PCDHGB4: variants seen among roughly 807,000 people sequenced by gnomAD.
PCDHGB4 encodes protocadherin gamma-B4.
A neutral mutation model predicts 60.5 loss-of-function variants in PCDHGB4; 38 were observed. The ratio of observed to expected loss-of-function variants is 0.63; its 90% confidence interval spans 0.48 to 0.82. PCDHGB4 has a LOEUF of 0.82. PCDHGB4 is among the 40% of genes least tolerant of loss of function. The pLI is 0.00. For synonymous variants in PCDHGB4, 456 were observed against 509.7 expected (o/e 0.89, Z 1.42); for missense variants, 1,109 against 1,209.6 (o/e 0.92, Z 1.23).
In PCDHGB4 at chr5:141,393,272, A is replaced by C. The variant is rs781226042; in HGVS notation, c.2397+2991A>C. The stretch of plus-strand genomic sequence containing the variant: ...TCGCGGTTCCTGGAGCACGTTATCC[A>C]CTCCCAGAAGCTGTTGACCCGGATG... On this transcript the variant is annotated intron_variant, in intron 1 of 3. Coordinates refer to ENST00000519479, the MANE Select transcript of PCDHGB4 (RefSeq NM_003736.4). The C allele has an allele frequency of 2.5e-6, 4 of 1,613,774 alleles. No homozygotes were observed. The Admixed American group carries it at 6.7e-5, about 27-fold the overall frequency.
At chr5:141,469,994 C>T (rs948868787) in intron 1 of PCDHGB4, among the ~76,000 whole-genome samples, 2 of 151,830 alleles carry the variant, frequency 1.3e-5, no homozygotes, top group Non-Finnish European at 1.5e-5. Flanking sequence ...AGCTGGTCGT[C>T]GTGGCACGCC....
At chr5:141,464,944 G>T (rs1379789566) in intron 1 of PCDHGB4, among the ~76,000 whole-genome samples, 1 of 151,826 alleles carries the variant, frequency 6.6e-6, no homozygotes, top group African/African-American at 2.4e-5. Context: ...GTCTCACTAT[G>T]TTGCCCAGGC....
intron 1 of PCDHGB4, among the ~76,000 whole-genome samples, chr5:141,449,041 C>T (rs998143732): frequency 3.3e-5 from 5 of 152,126 alleles, no homozygotes; most frequent in Admixed American, 3.3e-4. Flanking sequence ...GATTATTAAC[C>T]AGTCTCATAA....
At chr5:141,505,983 C>G (rs1235662535) in intron 3 of PCDHGB4, among the ~76,000 whole-genome samples, 1 of 152,148 alleles carries the variant, frequency 6.6e-6, no homozygotes, top group Non-Finnish European at 1.5e-5. Context: ...GAGAGAACAC[C>G]TCCTCTTTAT....
rs372168887 is a variant in PCDHGB4, at chr5:141,477,322, C to T, written c.2398-17485C>T. On this transcript the variant is annotated intron_variant, in intron 1 of 3. Transcript: ENST00000519479. The surrounding 1 kb of genome is among the most constrained non-coding windows in gnomAD (Gnocchi z 4.9). The stretch of plus-strand genomic sequence containing the variant: ...GTCTCCCTTTCAGCCTTACTTCTTC[C>T]CTCAAGAATTACTTCACTTTGAAAA... 17 of 1,614,050 alleles carry T rather than the reference C, an allele frequency of 1.1e-5. No homozygotes were observed. In the African/African-American group the frequency reaches 1.5e-4, roughly 14 times the overall value.
rs1231591874 is a variant in PCDHGB4 at position 141,431,615 on chromosome 5, G to T, written c.2397+41334G>T. The T allele has an allele frequency of 3.1e-6, 5 of 1,614,118 alleles. No homozygotes were observed. Among genetic ancestry groups the T allele is most frequent in the African/African-American group, 2.7e-5 (2 of 74,950 alleles). On this transcript the variant is annotated intron_variant, in intron 1 of 3. Transcript: ENST00000519479. The surrounding 1 kb of genome is among the most constrained non-coding windows in gnomAD (Gnocchi z 4.8). Reference sequence around the variant, plus strand: ...GAGGTATTCCTTCCGGTATGTGGACGACAAGGCGGCCCAAGTTTTCAAACT... The same window carrying T: ...GAGGTATTCCTTCCGGTATGTGGACTACAAGGCGGCCCAAGTTTTCAAACT...
At chr5:141,444,876 G>A (rs921183358) in intron 1 of PCDHGB4, among the ~76,000 whole-genome samples, 1 of 152,186 alleles carries the variant, frequency 6.6e-6, no homozygotes, top group African/African-American at 2.4e-5. Flanking sequence ...GACAAAGCTT[G>A]TAGGATTTTT....
intron 1 of PCDHGB4, chr5:141,398,702 C>G: frequency 6.2e-7 from 1 of 1,613,832 alleles, no homozygotes; most frequent in Non-Finnish European, 8.5e-7. Flanking sequence ...AGTAAATACC[C>G]GGAACTGGCA....
intron 1 of PCDHGB4, chr5:141,398,640 ACT>A (rs2093681875): frequency 1.9e-6 from 3 of 1,613,828 alleles, no homozygotes; most frequent in Non-Finnish European, 2.5e-6. Flanking sequence ...AGAAGTATAA[ACT>A]CTCTCTTAAC....
chr5:141,487,811 A>T lies in PCDHGB4; in HGVS notation c.2398-6996A>T, dbSNP rs1389081995. 2.1e-6 allele frequency: 3 copies of T among 1,414,662 alleles called. No homozygotes were observed. In the African/African-American group the frequency reaches 4.3e-5, roughly 20 times the overall value. 87.6% of individuals were successfully genotyped at this position (1,414,662 alleles called of 1,614,324 possible). A position where few individuals can be genotyped will look rare whatever the true frequency, so the allele number is the denominator to read the frequency against. ...TTAACCAGAGTTGTCACAGTTTAGCATTGGGGGCGGGTCATGCCTATATCT... is the reference window on the plus strand; with the variant it reads ...TTAACCAGAGTTGTCACAGTTTAGCTTTGGGGGCGGGTCATGCCTATATCT... On this transcript the variant is annotated intron_variant, in intron 1 of 3. Transcript: ENST00000519479. The surrounding 1 kb of genome is among the most constrained non-coding windows in gnomAD (Gnocchi z 5.0).
chr5:141,455,109 G>A (rs2098813382), intron 1 of PCDHGB4, among the ~76,000 whole-genome samples: 1 of 151,932 alleles, frequency 6.6e-6, no homozygotes, highest in South Asian at 2.1e-4. Context: ...ACTGCGCCCG[G>A]TGGGTCTAAT....
Position 141,510,866 on chromosome 5 carries a change from C to G in PCDHGB4, c.2546-81C>G. 1.9e-6 allele frequency: 3 copies of G among 1,607,908 alleles called. No homozygotes were observed. The East Asian group carries it at 6.7e-5, about 36-fold the overall frequency. ...AGGCCCAGGGTGCTGTATAGGCATT[C>G]ATTAACTGCTGGGGATATAAGACAG... On this transcript the variant is annotated intron_variant, in intron 3 of 3. Coordinates refer to ENST00000519479, the MANE Select transcript of PCDHGB4 (RefSeq NM_003736.4).
intron 2 of PCDHGB4, among the ~76,000 whole-genome samples, chr5:141,498,889 C>T (rs1415870992): frequency 3.4e-5 from 5 of 146,174 alleles, no homozygotes; most frequent in African/African-American, 1.3e-4. Flanking sequence ...GCTGAGATCA[C>T]ACCACTGCAC....
intron 1 of PCDHGB4, chr5:141,408,147 A>G (rs1357143790): frequency 6.7e-7 from 1 of 1,503,488 alleles, no homozygotes; most frequent in Non-Finnish European, 8.9e-7. Context: ...TTAGCGCGGT[A>G]GAGTGCACTT....
intron 1 of PCDHGB4, chr5:141,399,984 A>C (rs1310810422): frequency 1.2e-6 from 2 of 1,612,296 alleles, no homozygotes; most frequent in Non-Finnish European, 8.5e-7. Context: ...GGCTGCGCAC[A>C]GGAGAGGTGC....
At chr5:141,427,940 C>T (rs1391166364) in intron 1 of PCDHGB4, 1 of 1,585,904 alleles carries the variant, frequency 6.3e-7, no homozygotes. Context: ...TGGTGGGCGA[C>T]CTCAATGACA....
intron 1 of PCDHGB4, among the ~76,000 whole-genome samples, chr5:141,449,549 A>G (rs1431239786): frequency 6.8e-6 from 1 of 147,830 alleles, no homozygotes; most frequent in East Asian, 2.0e-4. Context: ...AGATCGCACC[A>G]CTGCACTCCA....
chr5:141,484,924 T>C (rs1453592037), intron 1 of PCDHGB4: 7 of 484,872 alleles, frequency 1.4e-5, no homozygotes, highest in Non-Finnish European at 2.2e-5. Context: ...ACCCTGCTGC[T>C]GTTGGGACGT....
rs749817501 is a variant in PCDHGB4 at position 141,423,756 on chromosome 5, G to GT, written c.2397+33475_2397+33476insT. ...GCCTGTTATGAAAACTGTTTGGGGGGGGGGTGGGGCGGCATATATTTAGTT... is the reference window on the plus strand; with the variant it reads ...GCCTGTTATGAAAACTGTTTGGGGGGTGGGGTGGGGCGGCATATATTTAGTT... On this transcript the variant is annotated intron_variant, in intron 1 of 3. Transcript: ENST00000519479. 9 of 448,538 alleles carry GT rather than the reference G, an allele frequency of 2.0e-5. 1 individual carries two copies. Among genetic ancestry groups the GT allele is most frequent in the African/African-American group, 2.8e-5 (1 of 35,670 alleles). 27.8% of individuals were successfully genotyped at this position (448,538 alleles called of 1,614,324 possible).
Sources: gnomAD v4.1 joint callset for allele counts (sites outside exome capture counted in the v4.1 genomes callset) on GRCh38, gnomAD v4.1.1 for gene constraint, Gnocchi (gnomAD v3.1) non-coding constraint, MANE v1.5 for transcripts, NCBI Gene and HGNC (gene_info 2026-07-23, HGNC 2026-07-21) for gene names.